Variants in MTERF4 observed in about 807,000 individuals in gnomAD.
MTERF4 encodes transcription termination factor 4, mitochondrial.
MTERF4 carries 17 observed loss-of-function variants against 22.5 expected under a neutral mutation model. The ratio of observed to expected loss-of-function variants is 0.75; its 90% CI spans 0.52 to 1.13. The LOEUF is 1.13. Among genes scored for constraint, MTERF4 ranks in the 50% most tolerant of loss-of-function variants. The pLI is 0.00. For missense variants in MTERF4, 420 were observed against 466.8 expected (o/e 0.90, Z 0.92); for synonymous variants, 165 against 175.3 (o/e 0.94, Z 0.47).
At chr2:241,070,969 C>T (rs1012614563), downstream of MTERF4, among the ~76,000 whole-genome samples, 11 of 152,284 alleles carry the variant, frequency 7.2e-5, no homozygotes, top group Admixed American at 5.2e-4. Context: ...ATAAGCTTGC[C>T]GAGTTCTCAG....
chr2:241,046,327 C>T, the MTERF4 span, among the ~76,000 whole-genome samples: 17 of 152,148 alleles, frequency 1.1e-4, no homozygotes, highest in African/African-American at 3.9e-4. Context: ...GAGATGAAAA[C>T]TTATGTTTAC....
chr2:241,093,951 T>C (rs1183198467), downstream of MTERF4: 2 of 157,116 alleles, frequency 1.3e-5, no homozygotes, highest in African/African-American at 4.8e-5. Context: ...CATCTGCTAA[T>C]GAAACCGGGA....
chr2:241,058,880 G>A, the MTERF4 span, among the ~76,000 whole-genome samples: 5 of 152,038 alleles, frequency 3.3e-5, no homozygotes, highest in Non-Finnish European at 7.4e-5. Context: ...AACCTGGGAG[G>A]CGGAGCTTGC....
intron 2 of MTERF4, 137 bp downstream of exon 2, chr2:241,099,259 G>A (rs1008059441): frequency 3.0e-5 from 28 of 930,676 alleles, no homozygotes; most frequent in Non-Finnish European, 4.3e-5. Flanking sequence ...ATTTTTAGTT[G>A]AGTCAGGGTT....
the MTERF4 span, chr2:241,048,345 C>G: frequency 4.3e-6 from 7 of 1,610,220 alleles, no homozygotes; most frequent in Non-Finnish European, 5.9e-6. Context: ...GCCTGCCTCT[C>G]GGCCCCTTGC....
the MTERF4 span, chr2:241,063,530 C>T: frequency 1.8e-6 from 2 of 1,109,188 alleles, no homozygotes; most frequent in East Asian, 2.5e-5. Flanking sequence ...ATCCTGGGGG[C>T]ATGTGGGCGC....
chr2:241,064,951 G>A, the MTERF4 span: 41 of 1,580,368 alleles, frequency 2.6e-5, no homozygotes, highest in Middle Eastern at 3.3e-4. The surrounding 1 kb of genome is among the most constrained non-coding windows in gnomAD (Gnocchi z 7.0). Flanking sequence ...CGAGGACTGC[G>A]CCAAAGGTGG....
downstream of MTERF4, chr2:241,095,138 T>G (rs1330199248): frequency 7.1e-6 from 1 of 140,276 alleles, no homozygotes; most frequent in Non-Finnish European, 1.5e-5. Context: ...ACCTGCTCCA[T>G]GACCCTATGC....
chr2:241,071,701 A>ACCCCCCCCCCCCCCCCC (rs775418679), downstream of MTERF4: 1 of 1,277,772 alleles, frequency 7.8e-7, no homozygotes, highest in Non-Finnish European at 1.1e-6. Flanking sequence ...CGCCCCCGAG[A>ACCCCCCCCCCCCCCCCC]CCCCCACCCA....
chr2:241,049,936 A>G, the MTERF4 span: 1 of 1,611,908 alleles, frequency 6.2e-7, no homozygotes, highest in Non-Finnish European at 8.5e-7. Flanking sequence ...CGAGAAAGGT[A>G]TGGCGGGCAG....
chr2:241,057,412 T>TATATATATATATATATATATATATATGC, the MTERF4 span, among the ~76,000 whole-genome samples: 4 of 129,372 alleles, frequency 3.1e-5, no homozygotes, highest in African/African-American at 1.2e-4. Context: ...TATATATATA[T>TATATATATATATATATATATATATATGC]GCCATACGCA....
chr2:241,078,513 C>T (rs988109019), intron 4 of MTERF4, among the ~76,000 whole-genome samples: 2 of 151,578 alleles, frequency 1.3e-5, no homozygotes, highest in Admixed American at 6.6e-5. Context: ...ATCTTGAAAA[C>T]ATGCTAAGTG....
At chr2:241,088,523 G>A (rs184632336), downstream of MTERF4, 149 of 801,666 alleles carry the variant, frequency 1.9e-4, 3 homozygotes, top group South Asian at 1.9e-3. Flanking sequence ...AAGGAAGCGC[G>A]GTCCTGTGCT....
downstream of MTERF4, among the ~76,000 whole-genome samples, chr2:241,069,701 C>T (rs569590943): frequency 2.0e-4 from 30 of 152,144 alleles, no homozygotes; most frequent in African/African-American, 4.6e-4. This position sits in a 1 kb window ranked among gnomAD's most constrained non-coding sequence, Gnocchi z 4.9. Flanking sequence ...GATCCTAACC[C>T]GAGGGGAGGG....
chr2:241,049,847 G>A, the MTERF4 span: 1 of 1,613,710 alleles, frequency 6.2e-7, no homozygotes, highest in Admixed American at 1.7e-5. Flanking sequence ...TCGGACCCCT[G>A]CTTCAACGGA....
At chr2:241,068,059 C>T (rs1362645366), downstream of MTERF4, 20 of 996,296 alleles carry the variant, frequency 2.0e-5, no homozygotes, top group Non-Finnish European at 2.6e-5. This position sits in a 1 kb window ranked among gnomAD's most constrained non-coding sequence, Gnocchi z 5.3. Flanking sequence ...TACCACCTGC[C>T]GCTCCTCACC....
chr2:241,058,288 A>G, the MTERF4 span, among the ~76,000 whole-genome samples: 2 of 152,226 alleles, frequency 1.3e-5, no homozygotes, highest in African/African-American at 4.8e-5. Flanking sequence ...CTCAATATAT[A>G]TAAAGCAAAA....
intron 1 of MTERF4, chr2:241,101,081 A>G (rs1469025475): frequency 2.2e-6 from 1 of 447,048 alleles, no homozygotes; most frequent in East Asian, 7.3e-5. Context: ...TTTCAGGATG[A>G]TTCAAGCATA....
Position 241,096,930 on chromosome 2 carries a change from A to C in MTERF4, c.705+313T>G. 1 of 590,364 alleles carries C rather than the reference A, an allele frequency of 1.7e-6. No individual in the cohort carries two copies. The highest frequency in any genetic ancestry group is 3.0e-6 in the Non-Finnish European group (1 of 335,420). The allele number at this position is 590,364 out of a possible 1,614,324, so 36.6% of individuals were successfully genotyped here. On this transcript the variant is annotated intron_variant, in intron 3 of 3. Transcript: ENST00000391980. The surrounding 1 kb of genome is among the most constrained non-coding windows in gnomAD (Gnocchi z 5.1). ...TTTCAGAGTCCCCACTTAGACTCTA[A>C]GAATAGGACTGGATCATTCATTATT...
Sources: gnomAD v4.1 joint callset for allele counts (sites outside exome capture counted in the v4.1 genomes callset) on GRCh38, gnomAD v4.1.1 for gene constraint, Gnocchi (gnomAD v3.1) non-coding constraint, MANE v1.5 for transcripts, NCBI Gene and HGNC (gene_info 2026-07-23, HGNC 2026-07-21) for gene names.